The following CADPS2 variants were observed in gnomAD, a reference collection of about 807,000 sequenced individuals.
The protein encoded by CADPS2 is calcium-dependent secretion activator 2.
In CADPS2, 93 loss-of-function variants were observed where a neutral mutation model predicts 172.5. That is an observed-to-expected ratio of 0.54 (90% CI 0.46 to 0.64). CADPS2 has a LOEUF of 0.64. Ranked by LOEUF, CADPS2 falls within the 30% of genes least tolerant of loss-of-function variation. The probability of loss-of-function intolerance (pLI) is 0.00; values close to 1 mark genes in which losing one functional copy is unlikely to be tolerated. For missense variants in CADPS2, 1,420 were observed against 1,565.9 expected, an observed-to-expected ratio of 0.91 and a Z score of 1.57; for synonymous variants, 546 against 555.2, an observed-to-expected ratio of 0.98 and a Z score of 0.23.
rs770661571 is a variant in CADPS2, at chr7:122,407,567, G to T, written c.2719C>A (p.Leu907Met). 10 of 1,612,112 alleles carry T rather than the reference G, an allele frequency of 6.2e-6. No homozygotes were observed. The African/African-American group carries it at 1.3e-4, about 22-fold the overall frequency. ...DSWDSFPLFQ[L>M]LNNFLRNDTL... Reference sequence around the variant, plus strand: ...TCATTTCGGAGGAAATTATTAAGCAGTTGGAAAAGAGGAAAACTATCCCAG... The same window carrying T: ...TCATTTCGGAGGAAATTATTAAGCATTTGGAAAAGAGGAAAACTATCCCAG... The change falls in exon 20 of 30, where the codon CTG becomes ATG. Residue 907 changes from leucine to methionine, a missense_variant. Leu to Met is a conservative substitution (Grantham distance 15). Coordinates refer to ENST00000449022, the MANE Select transcript of CADPS2 (RefSeq NM_017954.11).
chr7:122,436,338 T>C lies in CADPS2; in HGVS notation c.2476+2003A>G, dbSNP rs772609775. 2.1e-5 allele frequency: 26 copies of C among 1,258,344 alleles called. No homozygotes were observed. In the South Asian group the frequency reaches 3.3e-4, roughly 16 times the overall value. The allele number at this position is 1,258,344 out of a possible 1,614,324, so 77.9% of individuals were successfully genotyped here. ...CCACCACATGAGAAATAATGGCTTG[T>C]GCATGCAGAAATATTAATTACCTGT... On this transcript the variant is annotated intron_variant, in intron 17 of 29. Coordinates refer to ENST00000449022, the MANE Select transcript of CADPS2 (RefSeq NM_017954.11).
intron 6 of CADPS2, among the ~76,000 whole-genome samples, chr7:122,592,850 A>AG (rs557446176): frequency 1.0e-5 from 1 of 99,802 alleles, no homozygotes; most frequent in African/African-American, 3.8e-5. Flanking sequence ...GGATGGGGGG[A>AG]GGGGGGAGGA....
chr7:122,632,824 T>G (rs946805662), intron 3 of CADPS2, among the ~76,000 whole-genome samples: 4 of 152,222 alleles, frequency 2.6e-5, no homozygotes, highest in Non-Finnish European at 5.9e-5. Context: ...TTTTTAAACT[T>G]TGAAGTCTTA....
At chr7:122,632,828 A>C (rs2076707158) in intron 3 of CADPS2, among the ~76,000 whole-genome samples, 1 of 152,076 alleles carries the variant, frequency 6.6e-6, no homozygotes, top group South Asian at 2.1e-4. Flanking sequence ...TAAACTTTGA[A>C]GTCTTACATT....
intron 25 of CADPS2, 70 bp from the exon 26 acceptor site, chr7:122,361,083 C>A: frequency 1.5e-6 from 2 of 1,296,286 alleles, no homozygotes; most frequent in Non-Finnish European, 2.2e-6. Context: ...ACAAACAATT[C>A]CTGAATCAAT....
At chr7:122,852,886 G>C (rs2428902) in intron 1 of CADPS2, among the ~76,000 whole-genome samples, 28,344 of 152,056 alleles carry the variant, frequency 0.19, 3,136 homozygotes, top group African/African-American at 0.31. Context: ...GGATGGTAAG[G>C]ATGGAAGCAG....
chr7:122,799,560 C>T (rs1404873528), intron 1 of CADPS2, among the ~76,000 whole-genome samples: 1 of 143,870 alleles, frequency 7.0e-6, no homozygotes, highest in Non-Finnish European at 1.5e-5. Flanking sequence ...GCAGAGATCG[C>T]ACCACTGCAC....
chr7:122,324,244 C>T (rs1253314887), intron 29 of CADPS2, among the ~76,000 whole-genome samples: 1 of 151,928 alleles, frequency 6.6e-6, no homozygotes, highest in Non-Finnish European at 1.5e-5. Flanking sequence ...AGTAGATTTG[C>T]CAATTTCTGA....
intron 1 of CADPS2, among the ~76,000 whole-genome samples, chr7:122,737,886 C>T (rs1012028524): frequency 6.6e-6 from 1 of 152,072 alleles, no homozygotes; most frequent in Admixed American, 6.6e-5. Context: ...TAAGAAAGAT[C>T]CCTCTGGAAA....
intron 9 of CADPS2, among the ~76,000 whole-genome samples, chr7:122,506,315 C>T (rs539688364): frequency 5.9e-4 from 90 of 152,292 alleles, no homozygotes; most frequent in African/African-American, 2.1e-3. Context: ...ATATCTTTTA[C>T]CCAATCCACT....
intron 9 of CADPS2, among the ~76,000 whole-genome samples, chr7:122,499,361 A>C (rs1363494023): frequency 6.6e-6 from 1 of 152,184 alleles, no homozygotes; most frequent in Non-Finnish European, 1.5e-5. Context: ...ACTAATTTCA[A>C]ACTCCAGCAC....
At chr7:122,596,927 A>G (rs2071889060) in intron 6 of CADPS2, among the ~76,000 whole-genome samples, 1 of 152,086 alleles carries the variant, frequency 6.6e-6, no homozygotes, top group Admixed American at 6.6e-5. Context: ...CTGGGTGTCC[A>G]GTGAGGGCAT....
chr7:122,670,625 G>T (rs540092682), intron 2 of CADPS2, among the ~76,000 whole-genome samples: 3 of 151,974 alleles, frequency 2.0e-5, no homozygotes, highest in Non-Finnish European at 4.4e-5. Context: ...AGCCTCTGGA[G>T]TATCTGGGAG....
intron 4 of CADPS2, among the ~76,000 whole-genome samples, chr7:122,622,912 C>T (rs551330729): frequency 7.2e-5 from 11 of 152,176 alleles, no homozygotes; most frequent in Non-Finnish European, 1.6e-4. Context: ...CTCACTTGCA[C>T]CAGTTCATTC....
intron 5 of CADPS2, among the ~76,000 whole-genome samples, chr7:122,619,825 T>C (rs548162329): frequency 4.6e-4 from 70 of 152,294 alleles, no homozygotes; most frequent in Middle Eastern, 3.4e-3. Context: ...GACATCCTTA[T>C]GTCAAAAGGC....
At chr7:122,694,256 G>T (rs140587920) in intron 2 of CADPS2, among the ~76,000 whole-genome samples, 9 of 152,304 alleles carry the variant, frequency 5.9e-5, no homozygotes, top group Admixed American at 2.6e-4. Context: ...AAGGGAAACT[G>T]CTTGGAATGA....
chr7:122,398,653 G>C (rs2045487376), intron 20 of CADPS2, among the ~76,000 whole-genome samples: 1 of 151,986 alleles, frequency 6.6e-6, no homozygotes, highest in Admixed American at 6.6e-5. Context: ...CTCCATCACA[G>C]AAACAGAAAA....
intron 15 of CADPS2, among the ~76,000 whole-genome samples, chr7:122,443,710 CAA>C (rs56137420): frequency 0.019 from 1,124 of 57,840 alleles, 10 homozygotes; most frequent in Middle Eastern, 0.071. Context: ...CTGCTTTCTA[CAA>C]AAAAAAAAAA....
chr7:122,393,198 G>T lies in CADPS2; in HGVS notation c.3006C>A (p.Ser1002=). ...TASWMPSLYE[S]TNGSATSEDL... ...GGAAATAAGTGAGGAATACACACGTGGACTCATATAAAGAAGGCATCCACG... is the reference window on the plus strand; with the variant it reads ...GGAAATAAGTGAGGAATACACACGTTGACTCATATAAAGAAGGCATCCACG... The change falls in exon 22 of 30, where the codon TCC becomes TCA. Residue 1002 remains serine, a splice_region_variant and synonymous_variant. Coordinates refer to ENST00000449022, the MANE Select transcript of CADPS2 (RefSeq NM_017954.11). 6.2e-7 allele frequency: 1 copy of T among 1,613,428 alleles called. No individual in the cohort carries two copies. The highest frequency in any genetic ancestry group is 8.5e-7 in the Non-Finnish European group (1 of 1,179,704).
Sources: allele counts gnomAD v4.1 joint callset (sites outside exome capture counted in the v4.1 genomes callset), GRCh38; gene constraint gnomAD v4.1.1; transcripts MANE v1.5; gene names NCBI Gene and HGNC (gene_info 2026-07-23, HGNC 2026-07-21).